Variants in PSD3 observed in about 807,000 individuals in gnomAD.
PSD3 encodes the protein PH and SEC7 domain-containing protein 3.
A neutral mutation model predicts 105.5 loss-of-function variants in PSD3; 49 were observed. The ratio of observed to expected loss-of-function variants is 0.46; its 90% CI spans 0.37 to 0.59. The LOEUF is 0.59. PSD3 is among the 20% of genes least tolerant of loss of function. PSD3 has a pLI of 0.00. For synonymous variants in PSD3, 557 were observed against 457.8 expected (o/e 1.22, Z -2.77); for missense variants, 1,561 against 1,263.8 (o/e 1.24, Z -3.57).
chr8:18,818,515 G>A (rs1384466714), intron 4 of PSD3, among the ~76,000 whole-genome samples: 1 of 152,024 alleles, frequency 6.6e-6, no homozygotes, highest in Non-Finnish European at 1.5e-5. Flanking sequence ...AAAGTGTTTG[G>A]TATTTTAAGA....
At chr8:18,774,346 C>T (rs1807829261) in intron 8 of PSD3, among the ~76,000 whole-genome samples, 1 of 152,092 alleles carries the variant, frequency 6.6e-6, no homozygotes, top group African/African-American at 2.4e-5. Flanking sequence ...CATCCATCTC[C>T]CCAAAAATTC....
chr8:18,824,656 A>G (rs1813030113), intron 4 of PSD3, among the ~76,000 whole-genome samples: 1 of 152,240 alleles, frequency 6.6e-6, no homozygotes, highest in African/African-American at 2.4e-5. Context: ...TCACTGGCTA[A>G]GGCATACACT....
In PSD3 at chr8:18,867,864, T is replaced by C; in HGVS notation, c.1444A>G (p.Ile482Val). 1 of 1,614,202 alleles carries C rather than the reference T, an allele frequency of 6.2e-7. No homozygotes were observed. Among genetic ancestry groups the C allele is most frequent in the Non-Finnish European group, 8.5e-7 (1 of 1,180,030 alleles). Residue 482 changes from isoleucine (I) to valine (V), a missense_variant, in exon 4 of 16, where the codon ATA (isoleucine) becomes GTA (valine). By Grantham distance (29) the Ile-to-Val change is conservative. Coordinates refer to ENST00000327040, the MANE Select transcript of PSD3 (RefSeq NM_015310.4). ...CCACCTTCTTTAATGCGCTGTTGTA[T>C]CATTGGAGTGAGGGGCATTTCAAAG... ...FSFEMPLTPM[I>V]QQRIKEGGQF...
chr8:18,543,482 G>A (rs942874434), intron 15 of PSD3, among the ~76,000 whole-genome samples: 2 of 152,084 alleles, frequency 1.3e-5, no homozygotes, highest in Admixed American at 1.3e-4. Flanking sequence ...GCCAGGCGTG[G>A]TGGCAGGCGC....
chr8:18,871,721 A>G lies in PSD3; in HGVS notation c.1143T>C (p.Pro381=), dbSNP rs1246075010. Residue 381 remains proline, a synonymous_variant, in exon 3 of 16, where the codon CCT becomes CCC. Coordinates refer to ENST00000327040, the MANE Select transcript of PSD3 (RefSeq NM_015310.4). ...RPGTSSGTFS[P]VRLDESGEDE... ...CCTCTCCACTCTCATCAAGACGCACAGGGGAAAATGTCCCCGAGCTAGTGC... is the reference window on the plus strand; with the variant it reads ...CCTCTCCACTCTCATCAAGACGCACGGGGGAAAATGTCCCCGAGCTAGTGC... 4 of 1,614,198 alleles carry G rather than the reference A, an allele frequency of 2.5e-6. No individual in the cohort carries two copies. The highest frequency in any genetic ancestry group is 1.6e-4 in the Middle Eastern group (1 of 6,062).
At chr8:18,787,129 A>C (rs77656612) in intron 8 of PSD3, among the ~76,000 whole-genome samples, 1,928 of 152,330 alleles carry the variant, frequency 0.013, 52 homozygotes, top group African/African-American at 0.044. Context: ...TCAAGGCTTC[A>C]TAAGTATCCA....
chr8:18,792,612 T>C (rs1006592374), intron 8 of PSD3, among the ~76,000 whole-genome samples: 7 of 152,104 alleles, frequency 4.6e-5, no homozygotes, highest in Non-Finnish European at 1.0e-4. Context: ...AGCTAATGAA[T>C]GCCAGGCTTA....
intron 1 of PSD3, among the ~76,000 whole-genome samples, chr8:19,053,521 G>A (rs554897887): frequency 3.9e-5 from 6 of 152,204 alleles, no homozygotes; most frequent in Non-Finnish European, 5.9e-5. Context: ...AACACAGGCC[G>A]GGTGTGGTGG....
chr8:19,058,140 T>G (rs896585518), intron 1 of PSD3, among the ~76,000 whole-genome samples: 1 of 152,224 alleles, frequency 6.6e-6, no homozygotes, highest in Non-Finnish European at 1.5e-5. Flanking sequence ...AATAACTTGG[T>G]TGAATCTCAA....
At chr8:19,025,830 G>A (rs79370017) in intron 1 of PSD3, among the ~76,000 whole-genome samples, 163 of 152,334 alleles carry the variant, frequency 1.1e-3, no homozygotes, top group African/African-American at 3.7e-3. Flanking sequence ...TTTAGTGTCA[G>A]AAGTGTAGTG....
At chr8:18,925,715 T>C (rs1821320026) in intron 2 of PSD3, among the ~76,000 whole-genome samples, 1 of 152,124 alleles carries the variant, frequency 6.6e-6, no homozygotes, top group Admixed American at 6.6e-5. Flanking sequence ...TGCCAGTTTA[T>C]AAAATTCGAG....
intron 10 of PSD3, among the ~76,000 whole-genome samples, chr8:18,640,149 G>C (rs978185033): frequency 6.6e-6 from 1 of 152,126 alleles, no homozygotes; most frequent in Non-Finnish European, 1.5e-5. Flanking sequence ...GTAGAACTCC[G>C]TTGATATAGA....
At chr8:18,791,933 A>G (rs770061146) in intron 8 of PSD3, among the ~76,000 whole-genome samples, 15 of 152,250 alleles carry the variant, frequency 9.9e-5, no homozygotes, top group Non-Finnish European at 1.9e-4. Flanking sequence ...GACACTTCTC[A>G]AAAGACATAT....
chr8:18,717,690 T>C (rs1203110804), intron 9 of PSD3, among the ~76,000 whole-genome samples: 1 of 152,222 alleles, frequency 6.6e-6, no homozygotes, highest in East Asian at 1.9e-4. Context: ...CTATAACCAC[T>C]TGAGTCAACT....
chr8:19,076,156 T>C (rs937240396), intron 1 of PSD3, among the ~76,000 whole-genome samples: 7 of 152,266 alleles, frequency 4.6e-5, no homozygotes, highest in Admixed American at 3.9e-4. Flanking sequence ...AAAATTTCAC[T>C]TACAAATAAA....
At chr8:18,565,144 G>A (rs1801656232) in intron 14 of PSD3, among the ~76,000 whole-genome samples, 1 of 152,112 alleles carries the variant, frequency 6.6e-6, no homozygotes, top group Non-Finnish European at 1.5e-5. Flanking sequence ...AGCCCAGCCT[G>A]GACCTGAACG....
At chr8:18,722,689 A>T (rs1803067740) in intron 9 of PSD3, among the ~76,000 whole-genome samples, 2 of 152,182 alleles carry the variant, frequency 1.3e-5, no homozygotes, top group African/African-American at 4.8e-5. Flanking sequence ...AAGAAGAAGC[A>T]ATAATGGATG....
chr8:18,627,552 G>C (rs1806579270), intron 11 of PSD3, among the ~76,000 whole-genome samples: 1 of 152,030 alleles, frequency 6.6e-6, no homozygotes, highest in Non-Finnish European at 1.5e-5. Flanking sequence ...ATATTGGAAA[G>C]AGGCTGAAGA....
intron 8 of PSD3, among the ~76,000 whole-genome samples, chr8:18,787,220 G>C (rs541898716): frequency 1.3e-5 from 2 of 152,162 alleles, no homozygotes; most frequent in African/African-American, 4.8e-5. Flanking sequence ...AAGTAGTTCT[G>C]CTCTGAAACA....
Sources: gnomAD v4.1 joint callset for allele counts (sites outside exome capture counted in the v4.1 genomes callset) on GRCh38, gnomAD v4.1.1 for gene constraint, MANE v1.5 for transcripts, NCBI Gene and HGNC (gene_info 2026-07-23, HGNC 2026-07-21) for gene names.